The following FBXL13 variants were observed in gnomAD, a reference collection of about 807,000 sequenced individuals.
FBXL13 encodes F-box and leucine rich repeat protein 13, also known as F-box and leucine-rich repeat protein 13.
A neutral mutation model predicts 83.6 loss-of-function variants in FBXL13; 67 were observed. The ratio of observed to expected loss-of-function variants is 0.80; its 90% CI spans 0.66 to 0.98. The LOEUF is 0.98. Ranked by LOEUF, FBXL13 falls within the 50% of genes least tolerant of loss-of-function variation. FBXL13 has a pLI of 0.00. For synonymous variants in FBXL13, 272 were observed against 299.5 expected, an observed-to-expected ratio of 0.91 and a Z score of 0.95; for missense variants, 822 against 866.5, an observed-to-expected ratio of 0.95 and a Z score of 0.64.
At chr7:102,862,438 A>G (rs1807010315) in intron 16 of FBXL13, among the ~76,000 whole-genome samples, 1 of 152,122 alleles carries the variant, frequency 6.6e-6, no homozygotes, top group South Asian at 2.1e-4. Context: ...GTTTGTGAAA[A>G]TAGCATAATT....
chr7:102,967,954 G>T, intron 7 of FBXL13, 68 bp downstream of exon 8: 1 of 1,191,232 alleles, frequency 8.4e-7, no homozygotes, highest in African/African-American at 1.5e-5. Flanking sequence ...CACAACAGCT[G>T]GCTTCACAGC....
At chr7:103,005,372 A>G (rs1022113382) in intron 6 of FBXL13, among the ~76,000 whole-genome samples, 2 of 152,138 alleles carry the variant, frequency 1.3e-5, no homozygotes, top group African/African-American at 4.8e-5. Flanking sequence ...GATGGCATAT[A>G]TTTTCTCAGT....
intron 6 of FBXL13, among the ~76,000 whole-genome samples, chr7:103,002,383 T>C (rs1790493171): frequency 6.6e-6 from 1 of 152,224 alleles, no homozygotes; most frequent in Non-Finnish European, 1.5e-5. Context: ...CAAGTTGCTA[T>C]AGTTATTATT....
intron 10 of FBXL13, among the ~76,000 whole-genome samples, chr7:102,918,049 A>C (rs181926414): frequency 6.6e-6 from 1 of 152,358 alleles, no homozygotes; most frequent in East Asian, 1.9e-4. Context: ...TCTCTTGGCA[A>C]GTACTTTTTT....
At chr7:102,956,735 C>T (rs58612464) in intron 8 of FBXL13, among the ~76,000 whole-genome samples, 1,801 of 152,164 alleles carry the variant, frequency 0.012, 38 homozygotes, top group African/African-American at 0.041. Context: ...TCCTATACAC[C>T]ATTAACAGAC....
At chr7:103,031,345 C>G (rs186794453) in intron 2 of FBXL13, 1 of 152,356 alleles carries the variant, frequency 6.6e-6, no homozygotes, top group East Asian at 1.9e-4. Context: ...TTCTTCCTCT[C>G]ACCTTTTAAT....
intron 2 of FBXL13, among the ~76,000 whole-genome samples, chr7:103,054,530 T>C (rs1449025358): frequency 6.6e-6 from 1 of 152,220 alleles, no homozygotes; most frequent in Non-Finnish European, 1.5e-5. Flanking sequence ...AGTCTTCATG[T>C]CCTAAATTAC....
chr7:102,988,915 G>A (rs1371661037), intron 6 of FBXL13: 1 of 152,208 alleles, frequency 6.6e-6, no homozygotes, highest in African/African-American at 2.4e-5. Context: ...ACAATAATGA[G>A]GGAGCTCAGT....
chr7:102,918,323 A>C (rs1322006430), intron 10 of FBXL13, among the ~76,000 whole-genome samples: 2 of 152,222 alleles, frequency 1.3e-5, no homozygotes, highest in Non-Finnish European at 2.9e-5. Flanking sequence ...GGAAGAGCCA[A>C]ACAAAATTCT....
At chr7:103,014,351 T>C (rs1185506584) in intron 6 of FBXL13, among the ~76,000 whole-genome samples, 1 of 151,958 alleles carries the variant, frequency 6.6e-6, no homozygotes, top group Non-Finnish European at 1.5e-5. Flanking sequence ...CAAGACCCTG[T>C]CTCAAACAAA....
intron 6 of FBXL13, among the ~76,000 whole-genome samples, chr7:102,974,339 A>G (rs898505482): frequency 2.0e-5 from 3 of 152,092 alleles, no homozygotes; most frequent in Admixed American, 6.5e-5. Flanking sequence ...GCAGTGAGCC[A>G]AGATCACACC....
chr7:102,901,078 T>C (rs1221636605), intron 11 of FBXL13, among the ~76,000 whole-genome samples: 1 of 152,156 alleles, frequency 6.6e-6, no homozygotes, highest in Non-Finnish European at 1.5e-5. Flanking sequence ...CAGTGGTCCA[T>C]CTCGAGGGAG....
chr7:102,822,282 A>G lies in FBXL13; in HGVS notation c.1855-79T>C. On this transcript the variant is annotated intron_variant, in intron 18 of 19. Transcript: ENST00000313221. ...AACAGTGCCTTAGTCACTTTGGGCAACTATAATAAACTACCACAGACTGTG... is the reference window on the plus strand; with the variant it reads ...AACAGTGCCTTAGTCACTTTGGGCAGCTATAATAAACTACCACAGACTGTG... 11 of 1,250,526 alleles carry G rather than the reference A, an allele frequency of 8.8e-6. 1 individual carries two copies. The South Asian group carries it at 1.3e-4, about 15-fold the overall frequency. 77.5% of individuals were successfully genotyped at this position (1,250,526 alleles called of 1,614,324 possible). A position where few individuals can be genotyped will look rare whatever the true frequency, so the allele number is the denominator to read the frequency against.
chr7:103,038,316 A>G (rs1795285568), intron 2 of FBXL13, among the ~76,000 whole-genome samples: 1 of 152,228 alleles, frequency 6.6e-6, no homozygotes, highest in East Asian at 1.9e-4. Flanking sequence ...AGGAAGCACA[A>G]ACTGGGCGGA....
intron 6 of FBXL13, among the ~76,000 whole-genome samples, chr7:103,013,882 G>T (rs78962948): frequency 1.3e-5 from 2 of 151,684 alleles, no homozygotes; most frequent in African/African-American, 4.8e-5. Context: ...ATACAAGGTA[G>T]ACTGGTAGAT....
chr7:102,973,122 A>G lies in FBXL13; in HGVS notation c.496-5005T>C, dbSNP rs1264099912. 1.7e-5 allele frequency: 3 copies of G among 173,562 alleles called. No homozygotes were observed. In the East Asian group the frequency reaches 5.5e-4, roughly 32 times the overall value. 10.8% of individuals were successfully genotyped at this position (173,562 alleles called of 1,614,324 possible). A position where few individuals can be genotyped will look rare whatever the true frequency, so the allele number is the denominator to read the frequency against. On this transcript the variant is annotated intron_variant, in intron 6 of 19. Coordinates refer to ENST00000313221, the Ensembl canonical transcript of FBXL13. ...ACAAATTCTCCATGATTTCACTTCT[A>G]TGTGAAATTTTAAAATGTTGGACTT...
At chr7:102,871,600 C>T (rs886591089) in intron 16 of FBXL13, among the ~76,000 whole-genome samples, 7 of 151,706 alleles carry the variant, frequency 4.6e-5, no homozygotes, top group African/African-American at 1.7e-4. Context: ...GTCACGTTGG[C>T]CAAGCTGCTC....
chr7:102,876,629 G>C (rs1809310539), intron 16 of FBXL13, among the ~76,000 whole-genome samples: 1 of 152,096 alleles, frequency 6.6e-6, no homozygotes, highest in Non-Finnish European at 1.5e-5. Context: ...GGATACACTG[G>C]GGCTGGAGAT....
At chr7:102,814,721 T>G (rs1797757353) in intron 19 of FBXL13, among the ~76,000 whole-genome samples, 1 of 152,236 alleles carries the variant, frequency 6.6e-6, no homozygotes, top group South Asian at 2.1e-4. Context: ...GACTAAAACT[T>G]GGCAAACAAG....
Sources: allele counts gnomAD v4.1 joint callset (sites outside exome capture counted in the v4.1 genomes callset), GRCh38; gene constraint gnomAD v4.1.1; transcripts MANE v1.5; gene names NCBI Gene and HGNC (gene_info 2026-07-23, HGNC 2026-07-21).